The following ZNF280D variants were observed in gnomAD, a reference collection of about 807,000 sequenced individuals.
ZNF280D encodes suppressor of hairy wing homolog 4.
Under a neutral mutation model 94.7 loss-of-function variants are expected in ZNF280D, and 39 were observed. That is an observed-to-expected ratio of 0.41 (90% CI 0.32 to 0.54). The LOEUF (loss-of-function observed/expected upper bound fraction) is 0.54. Ranked by LOEUF, ZNF280D falls within the 20% of genes least tolerant of loss-of-function variation. The probability of loss-of-function intolerance (pLI) is 0.22; values close to 1 mark genes in which losing one functional copy is unlikely to be tolerated. For missense variants in ZNF280D, 1,090 were observed against 1,149.3 expected (o/e 0.95, Z 0.75); for synonymous variants, 398 against 377.6 (o/e 1.05, Z -0.63).
chr15:56,731,506 C>CTAAA (rs2058885705), intron 1 of ZNF280D, among the ~76,000 whole-genome samples: 1 of 80,870 alleles, frequency 1.2e-5, no homozygotes, highest in Non-Finnish European at 2.2e-5. Flanking sequence ...GTACCTATCT[C>CTAAA]AAAAAAAAAA....
chr15:56,701,421 A>G lies in ZNF280D; in HGVS notation c.176-183T>C, dbSNP rs142598838. 7.2e-5 allele frequency among the ~76,000 whole-genome samples: 11 copies of G among 152,228 alleles called. No homozygotes were observed. The East Asian group carries it at 1.5e-3, about 21-fold the overall frequency. On this transcript the variant is annotated intron_variant, in intron 4 of 21. Coordinates refer to ENST00000267807, the MANE Select transcript of ZNF280D (RefSeq NM_017661.4). The stretch of plus-strand genomic sequence containing the variant: ...TTTACCTACTAAAGAAACAAAAGAA[A>G]CAAGATAACTAGGTTTTGTTTTACA...
intron 1 of ZNF280D, among the ~76,000 whole-genome samples, chr15:56,707,905 A>G (rs2057512173): frequency 6.6e-6 from 1 of 151,860 alleles, no homozygotes; most frequent in Non-Finnish European, 1.5e-5. Context: ...TAGTATGTCA[A>G]TAATTTATTT....
In ZNF280D at chr15:56,706,892, T is replaced by C. The variant is rs370461167; in HGVS notation, c.28+190A>G. On this transcript the variant is annotated intron_variant, in intron 3 of 21. Transcript: ENST00000267807. ...TGGTAAAAGTAGTTTCTTCTGATAATGGGGGAAAACACTTCTATTTTACTC... is the reference window on the plus strand; with the variant it reads ...TGGTAAAAGTAGTTTCTTCTGATAACGGGGGAAAACACTTCTATTTTACTC... 7.0e-4 allele frequency among the ~76,000 whole-genome samples: 107 copies of C among 152,288 alleles called. 1 individual carries two copies. Among genetic ancestry groups the C allele is most frequent in the African/African-American group, 2.4e-3 (101 of 41,576 alleles).
intron 4 of ZNF280D, among the ~76,000 whole-genome samples, chr15:56,703,203 T>A (rs759163767): frequency 6.6e-6 from 1 of 152,186 alleles, no homozygotes; most frequent in Non-Finnish European, 1.5e-5. Flanking sequence ...AGGTACCAAG[T>A]TGTTCTGCCC....
At chr15:56,699,599 T>C (rs1016928099) in intron 6 of ZNF280D, 2 of 864,286 alleles carry the variant, frequency 2.3e-6, no homozygotes, top group African/African-American at 3.7e-5. Flanking sequence ...AATATTTATT[T>C]GATTTGTTTT....
chr15:56,642,997 T>C lies in ZNF280D; in HGVS notation c.2214A>G (p.Glu738=), dbSNP rs1413112013. Reference sequence around the variant, plus strand: ...CCTTTGCGGGAGCTTCTTTTTTTAATCTTGAAAACAAGATAAGTATTGAAT... The same window carrying C: ...CCTTTGCGGGAGCTTCTTTTTTTAACCTTGAAAACAAGATAAGTATTGAAT... ...VCIPTSEHLS[E]LKKEAPAKEQ... Residue 738 remains glutamate, a splice_region_variant and synonymous_variant, in exon 20 of 22, where the codon GAA becomes GAG. Transcript: ENST00000267807. The C allele has an allele frequency of 2.7e-6, 4 of 1,499,604 alleles. No homozygotes were observed. Among genetic ancestry groups the C allele is most frequent in the East Asian group, 2.5e-5 (1 of 39,516 alleles). 92.9% of individuals were successfully genotyped at this position (1,499,604 alleles called of 1,614,324 possible). A position where few individuals can be genotyped will look rare whatever the true frequency, so the allele number is the denominator to read the frequency against.
In ZNF280D at chr15:56,677,685, G is replaced by A. The variant is rs763284600; in HGVS notation, c.1163-11C>T. ...AGATTTTACAAATAGCTAAATGTGG[G>A]AGAGAAACAGTATAATAATATTTAA... On this transcript the variant is annotated splice_polypyrimidine_tract_variant and intron_variant, in intron 11 of 21. Coordinates refer to ENST00000267807, the MANE Select transcript of ZNF280D (RefSeq NM_017661.4). 1.5e-5 allele frequency: 20 copies of A among 1,316,974 alleles called. No homozygotes were observed. The highest frequency in any genetic ancestry group is 1.5e-5 in the African/African-American group (1 of 67,428). The allele number at this position is 1,316,974 out of a possible 1,614,324, so 81.6% of individuals were successfully genotyped here.
chr15:56,676,818 T>A lies in ZNF280D; in HGVS notation c.1264-2A>T. The A allele has an allele frequency of 6.3e-7, 1 of 1,577,518 alleles. No homozygotes were observed. On this transcript the variant is annotated splice_acceptor_variant, in intron 12 of 21. Coordinates refer to ENST00000267807, the MANE Select transcript of ZNF280D (RefSeq NM_017661.4). LOFTEE classifies it high-confidence loss of function. ...TGATGATGATCTATAATTACAAACCTAAAAAAAGAAAGAAGGCTTAGTTTA... is the reference window on the plus strand; with the variant it reads ...TGATGATGATCTATAATTACAAACCAAAAAAAAGAAAGAAGGCTTAGTTTA...
intron 16 of ZNF280D, among the ~76,000 whole-genome samples, chr15:56,663,242 C>T (rs1244012360): frequency 1.5e-5 from 2 of 132,558 alleles, no homozygotes; most frequent in African/African-American, 5.9e-5. Flanking sequence ...TGTGATGGAG[C>T]CACTGCACTC....
At chr15:56,645,816 G>T (rs1402891512) in intron 19 of ZNF280D, among the ~76,000 whole-genome samples, 1 of 151,918 alleles carries the variant, frequency 6.6e-6, no homozygotes, top group Admixed American at 6.6e-5. Context: ...CAAAGTGCTG[G>T]GATTACAGGT....
chr15:56,731,604 C>G (rs1265697453), intron 1 of ZNF280D, among the ~76,000 whole-genome samples: 3 of 149,060 alleles, frequency 2.0e-5, no homozygotes, highest in African/African-American at 7.4e-5. Context: ...AAGGAATATT[C>G]TTCACTTTCT....
chr15:56,638,037 C>G (rs533258215), intron 20 of ZNF280D, among the ~76,000 whole-genome samples: 1 of 152,186 alleles, frequency 6.6e-6, no homozygotes, highest in South Asian at 2.1e-4. Context: ...TAAAGAATGA[C>G]TGTCAAACTA....
At chr15:56,694,571 T>A (rs2056634361) in intron 6 of ZNF280D, among the ~76,000 whole-genome samples, 1 of 152,068 alleles carries the variant, frequency 6.6e-6, no homozygotes, top group Admixed American at 6.6e-5. Context: ...ATACCTTTTT[T>A]CCAAATTACC....
In ZNF280D at chr15:56,693,166, A is replaced by G. The variant is rs773363680; in HGVS notation, c.431T>C (p.Leu144Ser). Residue 144 changes from leucine to serine, a missense_variant, in exon 7 of 22, where the codon TTA becomes TCA. Leu to Ser is a moderately radical substitution (Grantham distance 145). This residue lies in a region of ZNF280D where 386 missense variants were observed against 372.0 expected (regional missense o/e 1.04). Coordinates refer to ENST00000267807, the MANE Select transcript of ZNF280D (RefSeq NM_017661.4). ...SRVVSNKSSE[L>S]LFDLTQDTGL... Reference sequence around the variant, plus strand: ...TGTATCCTGGGTCAAGTCAAACAGTAACTCTGATGACTTATTAGACACAAC... The same window carrying G: ...TGTATCCTGGGTCAAGTCAAACAGTGACTCTGATGACTTATTAGACACAAC... 69 of 1,604,450 alleles carry G rather than the reference A, an allele frequency of 4.3e-5. No homozygotes were observed. The highest frequency in any genetic ancestry group is 2.4e-4 in the Admixed American group (14 of 58,664).
intron 7 of ZNF280D, among the ~76,000 whole-genome samples, chr15:56,692,817 C>A (rs534005): frequency 0.21 from 31,305 of 151,958 alleles, 3,328 homozygotes; most frequent in Admixed American, 0.24. Flanking sequence ...CTCTAACTCA[C>A]AGAAATTATT....
intron 1 of ZNF280D, among the ~76,000 whole-genome samples, chr15:56,711,625 C>T (rs1347233030): frequency 6.6e-6 from 1 of 152,136 alleles, no homozygotes; most frequent in African/African-American, 2.4e-5. Flanking sequence ...GATCGTGCCA[C>T]TGCACTCCAG....
At chr15:56,652,635 C>A (rs537702600) in intron 19 of ZNF280D, 1 of 985,130 alleles carries the variant, frequency 1.0e-6, no homozygotes, top group South Asian at 4.7e-5. Flanking sequence ...TGTTTTTTAA[C>A]ATGTTACCTT....
chr15:56,716,056 A>G (rs1271669166), intron 1 of ZNF280D, among the ~76,000 whole-genome samples: 1 of 152,190 alleles, frequency 6.6e-6, no homozygotes, highest in Non-Finnish European at 1.5e-5. Flanking sequence ...ACCATGTTAT[A>G]TAAGGGACTT....
At chr15:56,708,945 T>C (rs1360780740) in intron 1 of ZNF280D, among the ~76,000 whole-genome samples, 2 of 152,112 alleles carry the variant, frequency 1.3e-5, no homozygotes, top group Admixed American at 6.5e-5. Flanking sequence ...GACCTAGGCA[T>C]GGGCAAGGAC....
Sources: gnomAD v4.1 joint callset for allele counts (sites outside exome capture counted in the v4.1 genomes callset) on GRCh38, gnomAD v4.1.1 for gene constraint, gnomAD v4.1.1 regional missense constraint, MANE v1.5 for transcripts, NCBI Gene and HGNC (gene_info 2026-07-23, HGNC 2026-07-21) for gene names.